The following RASAL1 variants were observed in gnomAD, a reference collection of about 807,000 sequenced individuals.
The protein encoded by RASAL1 is rasGAP-activating-like protein 1.
Under a neutral mutation model 96.6 loss-of-function variants are expected in RASAL1, and 72 were observed. That is an observed-to-expected ratio of 0.75 (90% CI 0.62 to 0.91). The LOEUF is 0.91. Among genes scored for constraint, RASAL1 ranks in the 40% least tolerant of loss-of-function variants. The pLI is 0.00. For synonymous variants in RASAL1, 405 were observed against 430.4 expected (o/e 0.94, Z 0.73); for missense variants, 1,016 against 1,072.5 (o/e 0.95, Z 0.74).
At chr12:113,116,939 G>A (rs1319215669) in intron 8 of RASAL1, 134 bp downstream of exon 8, 2 of 655,232 alleles carry the variant, frequency 3.1e-6, no homozygotes, top group Non-Finnish European at 5.0e-6. Flanking sequence ...ACATTCCATA[G>A]ACAGTTGTTA....
At chr12:113,119,550 A>C in intron 5 of RASAL1, 107 bp from the exon 6 acceptor site, 2 of 1,130,064 alleles carry the variant, frequency 1.8e-6, no homozygotes, top group South Asian at 1.3e-5. Flanking sequence ...CAAGGCAACA[A>C]ACTGTTCCAT....
chr12:113,125,838 A>G (rs1592950602), intron 4 of RASAL1, among the ~76,000 whole-genome samples: 3 of 152,226 alleles, frequency 2.0e-5, no homozygotes, highest in South Asian at 2.1e-4. Flanking sequence ...GGGAAAGACT[A>G]TGACCTCCCT....
In RASAL1 at chr12:113,125,097, T is replaced by TAA. The variant is rs34945890; in HGVS notation, c.298+2713_298+2714dup. 3.3e-3 allele frequency among the ~76,000 whole-genome samples: 470 copies of TAA among 141,696 alleles called. 4 individuals carry two copies. The highest frequency in any genetic ancestry group is 0.011 in the African/African-American group (418 of 39,182). 93.0% of individuals were successfully genotyped at this position (141,696 alleles called of 152,430 possible). On this transcript the variant is annotated intron_variant, in intron 4 of 20. Coordinates refer to ENST00000548055, the MANE Select transcript of RASAL1 (RefSeq NM_001301202.2). ...GACAACATAGTGAGAACTTGTCTCT[T>TAA]AAAAAAAAAAAAAAAATACATATAC...
Position 113,115,310 on chromosome 12 carries a change from C to A in RASAL1, c.1004-46G>T, listed in dbSNP as rs750790232. 7.3e-6 allele frequency: 11 copies of A among 1,516,704 alleles called. No homozygotes were observed. The South Asian group carries it at 1.2e-4, about 17-fold the overall frequency. 94.0% of individuals were successfully genotyped at this position (1,516,704 alleles called of 1,614,324 possible). On this transcript the variant is annotated intron_variant, in intron 10 of 20. Transcript: ENST00000548055. This position sits in a 1 kb window ranked among gnomAD's most constrained non-coding sequence, Gnocchi z 4.1. Reference sequence around the variant, plus strand: ...GTTTGCTGGGATTTAGGGAGCTGAACCCAGCTCACCCCACTCACCCAAGGT... The same window carrying A: ...GTTTGCTGGGATTTAGGGAGCTGAAACCAGCTCACCCCACTCACCCAAGGT...
In RASAL1 at chr12:113,108,226, C is replaced by T; in HGVS notation, c.1375-4G>A. 1 of 1,609,174 alleles carries T rather than the reference C, an allele frequency of 6.2e-7. No individual in the cohort carries two copies. The highest frequency in any genetic ancestry group is 8.5e-7 in the Non-Finnish European group (1 of 1,178,074). On this transcript the variant is annotated splice_region_variant and splice_polypyrimidine_tract_variant and intron_variant, in intron 13 of 20. Coordinates refer to ENST00000548055, the MANE Select transcript of RASAL1 (RefSeq NM_001301202.2). ...TGATGGCCAGGTACTTCACATCCTG[C>T]TGGGAGGAGCAGAAGGTAAGAGGAG...
chr12:113,105,118 C>T (rs577522817), intron 16 of RASAL1, among the ~76,000 whole-genome samples: 3 of 152,240 alleles, frequency 2.0e-5, no homozygotes, highest in South Asian at 4.2e-4. Flanking sequence ...CAGCGTTAGC[C>T]GTCATCATCT....
chr12:113,120,471 C>T (rs115117790), intron 5 of RASAL1, among the ~76,000 whole-genome samples: 3,425 of 152,164 alleles, frequency 0.023, 103 homozygotes, highest in African/African-American at 0.077. Flanking sequence ...GTGGGAGAGG[C>T]TCAGAGAGGG....
At position 113,129,877 on chromosome 12, in the gene RASAL1, G is replaced by A. The variant is rs1951636206; in HGVS notation, c.122+1008C>T. On this transcript the variant is annotated intron_variant, in intron 2 of 20. Coordinates refer to ENST00000548055, the MANE Select transcript of RASAL1 (RefSeq NM_001301202.2). This position sits in a 1 kb window ranked among gnomAD's most constrained non-coding sequence, Gnocchi z 5.0. ...CATTCCCCAGCTCCTGAGCTGAAAG[G>A]CTTCTTACAGCCCAGAGAGGGAGAG... 1.3e-5 allele frequency among the ~76,000 whole-genome samples: 2 copies of A among 152,192 alleles called. No individual in the cohort carries two copies. The highest frequency in any genetic ancestry group is 1.5e-5 in the Non-Finnish European group (1 of 68,036).
At position 113,115,057 on chromosome 12, in the gene RASAL1, G is replaced by T. The variant is rs2136177825; in HGVS notation, c.1068+143C>A. ...GGGACACATCCAGGTGCAACTCAGGGCAAGGCCGGGCACCAGCCGCCAGCA... is the reference window on the plus strand; with the variant it reads ...GGGACACATCCAGGTGCAACTCAGGTCAAGGCCGGGCACCAGCCGCCAGCA... On this transcript the variant is annotated intron_variant, in intron 11 of 20. Transcript: ENST00000548055. This position sits in a 1 kb window ranked among gnomAD's most constrained non-coding sequence, Gnocchi z 4.1. The T allele has an allele frequency of 2.7e-6, 3 of 1,108,812 alleles. No individual in the cohort carries two copies. The East Asian group carries it at 7.1e-5, about 26-fold the overall frequency. The allele number at this position is 1,108,812 out of a possible 1,614,324, so 68.7% of individuals were successfully genotyped here. A position where few individuals can be genotyped will look rare whatever the true frequency, so the allele number is the denominator to read the frequency against.
At chr12:113,122,318 C>T (rs1951327264) in intron 4 of RASAL1, among the ~76,000 whole-genome samples, 1 of 152,166 alleles carries the variant, frequency 6.6e-6, no homozygotes, top group South Asian at 2.1e-4. Flanking sequence ...CTGTATTTCT[C>T]TCAACACTTT....
intron 1 of RASAL1, among the ~76,000 whole-genome samples, chr12:113,131,442 C>A (rs913070881): frequency 3.9e-5 from 6 of 152,112 alleles, no homozygotes; most frequent in Non-Finnish European, 7.4e-5. Flanking sequence ...CTCTCCCCTG[C>A]AGGGGCTTTA....
In RASAL1 at chr12:113,135,575, T is replaced by A. The variant is rs1180082989; in HGVS notation, c.-113A>T. On this transcript the variant is annotated 5_prime_UTR_variant, in exon 1 of 21. Coordinates refer to ENST00000548055, the MANE Select transcript of RASAL1 (RefSeq NM_001301202.2). The surrounding 1 kb of genome is among the most constrained non-coding windows in gnomAD (Gnocchi z 5.7). ...CTGGCTCCCTGCCTCGTGGTCCCAG[T>A]GCCGCCTGTCCGAGACCCGGGTAGC... The A allele has an allele frequency of 3.3e-6, 3 of 906,774 alleles. No homozygotes were observed. Among genetic ancestry groups the A allele is most frequent in the Non-Finnish European group, 5.1e-6 (3 of 584,448 alleles). 56.2% of individuals were successfully genotyped at this position (906,774 alleles called of 1,614,324 possible). A position where few individuals can be genotyped will look rare whatever the true frequency, so the allele number is the denominator to read the frequency against.
chr12:113,102,098 T>G, intron 18 of RASAL1, 89 bp from the exon 19 acceptor site: 2 of 1,501,282 alleles, frequency 1.3e-6, no homozygotes, highest in Non-Finnish European at 1.8e-6. Flanking sequence ...GTGCTCCTTC[T>G]TCCTGTAAAA....
rs1031695038 is a variant in RASAL1, at chr12:113,129,722, G to A, written c.122+1163C>T. 1.2e-3 allele frequency among the ~76,000 whole-genome samples: 188 copies of A among 151,204 alleles called. No homozygotes were observed. The highest frequency in any genetic ancestry group is 4.4e-3 in the African/African-American group (182 of 41,278). On this transcript the variant is annotated intron_variant, in intron 2 of 20. Transcript: ENST00000548055. The surrounding 1 kb of genome is among the most constrained non-coding windows in gnomAD (Gnocchi z 5.0). ...AGAGTGCACATATGCGCGCGTGCGC[G>A]CACACACACACACACACCCCGCCTT...
chr12:113,116,610 G>A (rs180953587), intron 8 of RASAL1, among the ~76,000 whole-genome samples: 107 of 152,340 alleles, frequency 7.0e-4, no homozygotes, highest in African/African-American at 2.2e-3. Context: ...TGGCCAGAGT[G>A]GATAGATGTG....
intron 4 of RASAL1, among the ~76,000 whole-genome samples, chr12:113,122,514 G>A (rs1325213871): frequency 6.6e-6 from 1 of 152,016 alleles, no homozygotes; most frequent in Non-Finnish European, 1.5e-5. Context: ...TTGTAGAGAC[G>A]AGGTTTTGCC....
intron 2 of RASAL1, among the ~76,000 whole-genome samples, chr12:113,128,972 G>GACAC (rs35122341): frequency 0.049 from 6,979 of 142,794 alleles, 366 homozygotes; most frequent in African/African-American, 0.14. Context: ...CACAGTCACT[G>GACAC]ACACACACAC....
In RASAL1 at chr12:113,115,054, AG is replaced by A. The variant is rs1340836517; in HGVS notation, c.1069-143del. On this transcript the variant is annotated intron_variant, in intron 11 of 20. Coordinates refer to ENST00000548055, the MANE Select transcript of RASAL1 (RefSeq NM_001301202.2). This position sits in a 1 kb window ranked among gnomAD's most constrained non-coding sequence, Gnocchi z 4.1. ...TAGGGGACACATCCAGGTGCAACTCAGGGCAAGGCCGGGCACCAGCCGCCAG... is the reference window on the plus strand; with the variant it reads ...TAGGGGACACATCCAGGTGCAACTCAGGCAAGGCCGGGCACCAGCCGCCAG... 16 of 1,105,954 alleles carry A rather than the reference AG, an allele frequency of 1.4e-5. 1 individual carries two copies. The East Asian group carries it at 3.8e-4, about 26-fold the overall frequency. 68.5% of individuals were successfully genotyped at this position (1,105,954 alleles called of 1,614,324 possible).
At chr12:113,116,978 G>T in intron 8 of RASAL1, 95 bp downstream of exon 8, 1 of 953,384 alleles carries the variant, frequency 1.0e-6, no homozygotes, top group Non-Finnish European at 1.5e-6. Context: ...GTGGCATAGT[G>T]ATAATGTGTG....
Sources: gnomAD v4.1 joint callset for allele counts (sites outside exome capture counted in the v4.1 genomes callset) on GRCh38, gnomAD v4.1.1 for gene constraint, Gnocchi (gnomAD v3.1) non-coding constraint, MANE v1.5 for transcripts, NCBI Gene and HGNC (gene_info 2026-07-23, HGNC 2026-07-21) for gene names.